The following TMEM170B variants were observed in gnomAD, a reference collection of about 807,000 sequenced individuals.
The protein encoded by TMEM170B is transmembrane protein 170B.
A neutral mutation model predicts 13.0 loss-of-function variants in TMEM170B; 6 were observed. That is an observed-to-expected ratio of 0.46 (90% CI 0.25 to 0.91). The LOEUF is 0.91. Ranked by LOEUF, TMEM170B falls within the 40% of genes least tolerant of loss-of-function variation. The pLI, the probability that TMEM170B is intolerant of heterozygous loss-of-function variation, is 0.17. For missense variants in TMEM170B, 138 were observed against 165.2 expected (o/e 0.84, Z 0.90); for synonymous variants, 61 against 64.9 (o/e 0.94, Z 0.29).
At chr6:11,539,367 A>G (rs1759329274) in intron 1 of TMEM170B, among the ~76,000 whole-genome samples, 1 of 152,258 alleles carries the variant, frequency 6.6e-6, no homozygotes, top group Admixed American at 6.5e-5. Context: ...TCAGTAGAAC[A>G]TTAGTATTTC....
intron 1 of TMEM170B, among the ~76,000 whole-genome samples, chr6:11,564,761 G>A (rs1257691066): frequency 6.6e-6 from 1 of 152,120 alleles, no homozygotes; most frequent in Non-Finnish European, 1.5e-5. Context: ...ATGCGACGAT[G>A]AAGTAGCTTC....
At position 11,538,177 on chromosome 6, in the gene TMEM170B, C is replaced by G. The variant is rs538311704; in HGVS notation, c.-101C>G. ...GTCCCGCAGCCTCCACCAGCGGCGG[C>G]GGCCTGGAGGAGCCGCGCACCCGCC... On this transcript the variant is annotated 5_prime_UTR_variant, in exon 1 of 3. Coordinates refer to ENST00000379426, the MANE Select transcript of TMEM170B (RefSeq NM_001100829.3). 3.1e-6 allele frequency: 1 copy of G among 324,424 alleles called. No individual in the cohort carries two copies. Among genetic ancestry groups the G allele is most frequent in the African/African-American group, 2.2e-5 (1 of 44,580 alleles). 20.1% of individuals were successfully genotyped at this position (324,424 alleles called of 1,614,324 possible). A position where few individuals can be genotyped will look rare whatever the true frequency, so the allele number is the denominator to read the frequency against.
chr6:11,538,822 A>G (rs1460517870), intron 1 of TMEM170B, among the ~76,000 whole-genome samples: 1 of 152,212 alleles, frequency 6.6e-6, no homozygotes, highest in Non-Finnish European at 1.5e-5. Context: ...ACCTAAAATC[A>G]TTGCCCACAA....
rs1449252268 is a variant in TMEM170B at position 11,583,497 on chromosome 6, A to G, written c.*7936A>G. Reference sequence around the variant, plus strand: ...TGTATTCAATTTCATGCACTTATATATAAATAAACCTGTCTTTGAAAGCTT... The same window carrying G: ...TGTATTCAATTTCATGCACTTATATGTAAATAAACCTGTCTTTGAAAGCTT... On this transcript the variant is annotated 3_prime_UTR_variant, in exon 3 of 3. Coordinates refer to ENST00000379426, the MANE Select transcript of TMEM170B (RefSeq NM_001100829.3). 6.6e-6 allele frequency: 1 copy of G among 152,212 alleles called. No homozygotes were observed. The highest frequency in any genetic ancestry group is 1.5e-5 in the Non-Finnish European group (1 of 68,038). The allele number at this position is 152,212 out of a possible 1,614,324, so 9.4% of individuals were successfully genotyped here. A position where few individuals can be genotyped will look rare whatever the true frequency, so the allele number is the denominator to read the frequency against.
intron 1 of TMEM170B, among the ~76,000 whole-genome samples, chr6:11,538,610 G>T (rs1032049643): frequency 6.6e-6 from 1 of 152,168 alleles, no homozygotes; most frequent in African/African-American, 2.4e-5. Flanking sequence ...CCCCGCTCCT[G>T]CCCCGCACGG....
intron 2 of TMEM170B, among the ~76,000 whole-genome samples, chr6:11,566,598 A>T (rs1409958254): frequency 6.6e-6 from 1 of 152,222 alleles, no homozygotes; most frequent in Non-Finnish European, 1.5e-5. Flanking sequence ...CACCAAGGCA[A>T]GCTTCAGAGC....
At chr6:11,561,954 CT>C (rs1285237711) in intron 1 of TMEM170B, among the ~76,000 whole-genome samples, 9 of 152,162 alleles carry the variant, frequency 5.9e-5, no homozygotes, top group African/African-American at 2.2e-4. Flanking sequence ...AACAACACTA[CT>C]TTTTTATAAT....
intron 1 of TMEM170B, among the ~76,000 whole-genome samples, chr6:11,557,924 T>A (rs1464297450): frequency 6.6e-6 from 1 of 152,204 alleles, no homozygotes; most frequent in Non-Finnish European, 1.5e-5. Context: ...CTATTTTTTT[T>A]AAAGTGACAG....
chr6:11,580,363 T>C lies in TMEM170B; in HGVS notation c.*4802T>C, dbSNP rs1410834876. The C allele has an allele frequency of 6.6e-6, 1 of 152,188 alleles. No individual in the cohort carries two copies. Among genetic ancestry groups the C allele is most frequent in the Non-Finnish European group, 1.5e-5 (1 of 68,026 alleles). 9.4% of individuals were successfully genotyped at this position (152,188 alleles called of 1,614,324 possible). ...TTATTTTAAATTTATGTTCATTATG[T>C]AATTCAGGGAGTAACGATGCCTGGA... is the stretch of plus-strand genomic sequence containing the variant. On this transcript the variant is annotated 3_prime_UTR_variant, in exon 3 of 3. Transcript: ENST00000379426.
chr6:11,569,970 CTT>C (rs1485351518), intron 2 of TMEM170B, among the ~76,000 whole-genome samples: 1 of 151,584 alleles, frequency 6.6e-6, no homozygotes, highest in Non-Finnish European at 1.5e-5. Flanking sequence ...CCTCTTGTTA[CTT>C]TCCTTTCTCA....
intron 1 of TMEM170B, among the ~76,000 whole-genome samples, chr6:11,544,264 A>C (rs1382187989): frequency 6.6e-6 from 1 of 152,180 alleles, no homozygotes; most frequent in Non-Finnish European, 1.5e-5. Flanking sequence ...GCAACATGAC[A>C]CTCAAAGGAA....
At chr6:11,544,305 A>C (rs1759401540) in intron 1 of TMEM170B, among the ~76,000 whole-genome samples, 1 of 152,184 alleles carries the variant, frequency 6.6e-6, no homozygotes, top group Non-Finnish European at 1.5e-5. Context: ...TCGGATTTTC[A>C]GGTTAAGGAT....
intron 1 of TMEM170B, among the ~76,000 whole-genome samples, chr6:11,549,255 ATTTAT>A (rs1759485103): frequency 6.6e-6 from 1 of 152,216 alleles, no homozygotes. Context: ...GAGCGTATAA[ATTTAT>A]TTAAAATATG....
intron 2 of TMEM170B, among the ~76,000 whole-genome samples, chr6:11,573,439 G>A (rs1249175197): frequency 1.3e-5 from 2 of 152,098 alleles, no homozygotes; most frequent in African/African-American, 4.8e-5. Context: ...GTACATACTA[G>A]GATCGTCCAC....
rs1759967928 is a variant in TMEM170B, at chr6:11,582,340, A to C, written c.*6779A>C. Reference sequence around the variant, plus strand: ...GCCTTGAAAGTTAAGATACTTGTGCAAAATGGATTTAGCAAGATTCAGGAT... The same window carrying C: ...GCCTTGAAAGTTAAGATACTTGTGCCAAATGGATTTAGCAAGATTCAGGAT... On this transcript the variant is annotated 3_prime_UTR_variant, in exon 3 of 3. Transcript: ENST00000379426. 1 of 152,218 alleles carries C rather than the reference A, an allele frequency of 6.6e-6. No individual in the cohort carries two copies. The highest frequency in any genetic ancestry group is 1.5e-5 in the Non-Finnish European group (1 of 68,006). The allele number at this position is 152,218 out of a possible 1,614,324, so 9.4% of individuals were successfully genotyped here.
chr6:11,567,641 G>A (rs932722536), intron 2 of TMEM170B, among the ~76,000 whole-genome samples: 2 of 152,172 alleles, frequency 1.3e-5, no homozygotes, highest in Non-Finnish European at 2.9e-5. Context: ...CTTGTGTTAA[G>A]TTTTTATAGT....
At chr6:11,554,669 A>G (rs1197234570) in intron 1 of TMEM170B, among the ~76,000 whole-genome samples, 3 of 152,236 alleles carry the variant, frequency 2.0e-5, no homozygotes, top group South Asian at 2.1e-4. Context: ...GTTTGAAATT[A>G]TATAATTAGC....
chr6:11,551,098 T>C (rs1046399371), intron 1 of TMEM170B, among the ~76,000 whole-genome samples: 1 of 152,220 alleles, frequency 6.6e-6, no homozygotes, highest in African/African-American at 2.4e-5. Flanking sequence ...CTGCATTCTC[T>C]GCAGACTTGT....
intron 2 of TMEM170B, among the ~76,000 whole-genome samples, chr6:11,571,316 G>A (rs770657926): frequency 6.6e-6 from 1 of 151,892 alleles, no homozygotes; most frequent in Non-Finnish European, 1.5e-5. Context: ...CTCCTGAGTC[G>A]CTAGGACCAC....
Sources: gnomAD v4.1 joint callset for allele counts (sites outside exome capture counted in the v4.1 genomes callset) on GRCh38, gnomAD v4.1.1 for gene constraint, MANE v1.5 for transcripts, NCBI Gene and HGNC (gene_info 2026-07-23, HGNC 2026-07-21) for gene names.